The following PDE10A variants were observed in gnomAD, a reference collection of about 807,000 sequenced individuals.
The protein encoded by PDE10A is phosphodiesterase 10A, also known as cAMP and cAMP-inhibited cGMP 3',5'-cyclic phosphodiesterase 10A.
A neutral mutation model predicts 97.7 loss-of-function variants in PDE10A; 39 were observed. The ratio of observed to expected loss-of-function variants is 0.40; its 90% CI spans 0.31 to 0.52. The LOEUF (loss-of-function observed/expected upper bound fraction) is 0.52, where lower values mean the gene tolerates loss of function less well. Among genes scored for constraint, PDE10A ranks in the 20% least tolerant of loss-of-function variants. PDE10A has a pLI of 0.56. For synonymous variants in PDE10A, 371 were observed against 376.8 expected (o/e 0.98, Z 0.18); for missense variants, 731 against 1,047.8 (o/e 0.70, Z 4.17).
At chr6:165,652,755 C>T (rs540640741) in intron 1 of PDE10A, among the ~76,000 whole-genome samples, 241 of 152,332 alleles carry the variant, frequency 1.6e-3, no homozygotes, top group African/African-American at 5.4e-3. Flanking sequence ...GGGCCAAATA[C>T]GCTTGTATTT....
chr6:165,439,133 A>G, intron 5 of PDE10A, among the ~76,000 whole-genome samples: 1 of 152,130 alleles, frequency 6.6e-6, no homozygotes, highest in East Asian at 1.9e-4. Flanking sequence ...TTTAACTGGG[A>G]TATTCAGATT....
At chr6:165,813,348 C>T (rs1460140274) in intron 1 of PDE10A, among the ~76,000 whole-genome samples, 1 of 136,040 alleles carries the variant, frequency 7.4e-6, no homozygotes, top group Non-Finnish European at 1.7e-5. Context: ...CACATGAAAC[C>T]CGGAAGGAGC....
chr6:165,922,355 C>T (rs565131197), intron 1 of PDE10A, among the ~76,000 whole-genome samples: 47 of 152,294 alleles, frequency 3.1e-4, no homozygotes, highest in African/African-American at 1.1e-3. Context: ...CAAAGCCAGA[C>T]CTTCCCCTGC....
chr6:165,457,348 A>C (rs1048648185), intron 3 of PDE10A, among the ~76,000 whole-genome samples: 1 of 152,188 alleles, frequency 6.6e-6, no homozygotes, highest in Non-Finnish European at 1.5e-5. Flanking sequence ...AAGTAGAGTT[A>C]AGCTGGGAGC....
intron 15 of PDE10A, among the ~76,000 whole-genome samples, chr6:165,394,361 TC>T (rs1785968015): frequency 6.6e-6 from 1 of 152,162 alleles, no homozygotes; most frequent in Non-Finnish European, 1.5e-5. Flanking sequence ...AATGATGGTT[TC>T]CAGCTTCATC....
chr6:165,907,488 A>G (rs1440565529), intron 1 of PDE10A, among the ~76,000 whole-genome samples: 2 of 151,964 alleles, frequency 1.3e-5, no homozygotes, highest in African/African-American at 4.8e-5. Context: ...TGGGAGCCGC[A>G]CTCTCTCTGC....
At chr6:165,563,019 G>A (rs1379756409) in intron 1 of PDE10A, among the ~76,000 whole-genome samples, 1 of 152,062 alleles carries the variant, frequency 6.6e-6, no homozygotes, top group East Asian at 1.9e-4. Context: ...GAGAAATCCT[G>A]TTTTCAACAA....
intron 2 of PDE10A, among the ~76,000 whole-genome samples, chr6:165,516,877 T>G (rs1450378022): frequency 6.6e-6 from 1 of 152,198 alleles, no homozygotes; most frequent in African/African-American, 2.4e-5. Context: ...AATGTATCCT[T>G]GAATACTAAA....
intron 1 of PDE10A, among the ~76,000 whole-genome samples, chr6:165,815,563 T>A (rs545467610): frequency 6.6e-6 from 1 of 152,192 alleles, no homozygotes; most frequent in African/African-American, 2.4e-5. Flanking sequence ...TCAGCTTGGA[T>A]GAAGGGGCAG....
chr6:165,818,866 T>A (rs1779489651), intron 1 of PDE10A, among the ~76,000 whole-genome samples: 2 of 152,250 alleles, frequency 1.3e-5, no homozygotes, highest in Non-Finnish European at 1.5e-5. Context: ...TGTTAGACAG[T>A]ACACAGCTGT....
intron 1 of PDE10A, among the ~76,000 whole-genome samples, chr6:165,634,070 G>A (rs1215385408): frequency 1.3e-5 from 2 of 152,082 alleles, no homozygotes; most frequent in South Asian, 2.1e-4. Context: ...ATCACCTCGC[G>A]ATGACTGACA....
chr6:165,425,289 ATCAAT>A (rs1475213529), intron 10 of PDE10A, among the ~76,000 whole-genome samples: 2 of 152,190 alleles, frequency 1.3e-5, no homozygotes, highest in African/African-American at 2.4e-5. Flanking sequence ...TGCTGAAGAT[ATCAAT>A]TCAAGTTTTC....
intron 1 of PDE10A, among the ~76,000 whole-genome samples, chr6:165,786,025 C>A (rs6456014): frequency 0.5 from 76,621 of 152,072 alleles, 19,884 homozygotes; most frequent in Middle Eastern, 0.58. Flanking sequence ...TAATGTCATT[C>A]AACGATATTC....
At chr6:165,882,650 A>G (rs1038775935) in intron 1 of PDE10A, among the ~76,000 whole-genome samples, 7 of 152,136 alleles carry the variant, frequency 4.6e-5, no homozygotes, top group Non-Finnish European at 1.0e-4. Flanking sequence ...ATTTCCACAC[A>G]GTATTAGCAA....
chr6:165,943,307 G>A (rs1445266354), intron 1 of PDE10A, among the ~76,000 whole-genome samples: 9 of 106,234 alleles, frequency 8.5e-5, no homozygotes, highest in Admixed American at 7.7e-4. Context: ...AAGAAAGAAA[G>A]AAGGAAGGAA....
intron 2 of PDE10A, among the ~76,000 whole-genome samples, chr6:165,495,571 T>C (rs1244270925): frequency 6.6e-6 from 1 of 152,190 alleles, no homozygotes; most frequent in Non-Finnish European, 1.5e-5. Flanking sequence ...CAACAAAGTG[T>C]TACAAGGATA....
chr6:165,914,503 T>G (rs1403807773), intron 1 of PDE10A, among the ~76,000 whole-genome samples: 2 of 152,112 alleles, frequency 1.3e-5, no homozygotes, highest in Admixed American at 6.5e-5. Context: ...GAGAAACAGA[T>G]GCCGAAACAG....
At chr6:165,701,958 G>C (rs1045747070) in intron 1 of PDE10A, among the ~76,000 whole-genome samples, 1 of 152,174 alleles carries the variant, frequency 6.6e-6, no homozygotes, top group Admixed American at 6.5e-5. Flanking sequence ...CGGAGGAGAT[G>C]ATGGGTTGAG....
At chr6:165,844,012 C>G (rs1780335484) in intron 1 of PDE10A, among the ~76,000 whole-genome samples, 1 of 152,132 alleles carries the variant, frequency 6.6e-6, no homozygotes, top group Admixed American at 6.5e-5. Flanking sequence ...GAAATGAAGA[C>G]CATTGTGTGA....
Sources: gnomAD v4.1 joint callset for allele counts (sites outside exome capture counted in the v4.1 genomes callset) on GRCh38, gnomAD v4.1.1 for gene constraint, MANE v1.5 for transcripts, NCBI Gene and HGNC (gene_info 2026-07-23, HGNC 2026-07-21) for gene names.